TENM1: variants seen among roughly 807,000 people sequenced by gnomAD.
The protein encoded by TENM1 is teneurin-1.
TENM1 carries 35 observed loss-of-function variants against 174.8 expected under a neutral mutation model. That is an observed-to-expected ratio of 0.20 (90% CI 0.15 to 0.27). The LOEUF (loss-of-function observed/expected upper bound fraction) is 0.27, where lower values mean the gene tolerates loss of function less well. TENM1 is among the 10% of genes least tolerant of loss of function. TENM1 has a pLI of 1.00. For missense variants in TENM1, 1,633 were observed against 2,130.1 expected, an observed-to-expected ratio of 0.77 and a Z score of 4.59; for synonymous variants, 781 against 798.7, an observed-to-expected ratio of 0.98 and a Z score of 0.37.
chrX:124,447,409 C>T (rs1247483929), intron 23 of TENM1, among the ~76,000 whole-genome samples: 1 of 111,458 alleles, frequency 9.0e-6, no homozygotes, highest in Non-Finnish European at 1.9e-5. Flanking sequence ...TGCTGATCTG[C>T]CCACACCTGA....
At chrX:125,052,519 T>C in the TENM1 span, among the ~76,000 whole-genome samples, 1 of 111,658 alleles carries the variant, frequency 9.0e-6, no homozygotes, top group Admixed American at 9.6e-5. Flanking sequence ...AAACCTTGCT[T>C]ACCCTCTTGT....
chrX:124,745,662 A>G (rs746780748), intron 3 of TENM1, among the ~76,000 whole-genome samples: 1 of 110,799 alleles, frequency 9.0e-6, no homozygotes, highest in African/African-American at 3.3e-5. Context: ...AAGCAATTGT[A>G]ATAAGTGATT....
intron 6 of TENM1, among the ~76,000 whole-genome samples, chrX:124,668,075 G>T (rs1295981778): frequency 8.9e-6 from 1 of 111,773 alleles, no homozygotes; most frequent in Admixed American, 9.5e-5. Flanking sequence ...AGAAGTGTCT[G>T]TTCATATCCT....
intron 23 of TENM1, among the ~76,000 whole-genome samples, chrX:124,448,620 C>T (rs2060992865): frequency 8.9e-6 from 1 of 111,909 alleles, no homozygotes; most frequent in African/African-American, 3.2e-5. Context: ...CTAGCTTCAT[C>T]TCTCACTACT....
At chrX:125,033,082 A>G in the TENM1 span, among the ~76,000 whole-genome samples, 1 of 111,175 alleles carries the variant, frequency 9.0e-6, no homozygotes, top group African/African-American at 3.3e-5. Context: ...TGTATAGGGG[A>G]AAAAGATAAT....
chrX:124,547,136 G>T (rs766380430), intron 14 of TENM1, 46 bp from the exon 18 acceptor site: 7 of 1,011,374 alleles, frequency 6.9e-6, no homozygotes, highest in Non-Finnish European at 9.6e-6. Flanking sequence ...AGCTTCAAGA[G>T]AAAAATATAG....
rs764817296 is a variant in TENM1 at position 124,740,433 on chromosome X, AT to A, written c.536-3237del. 4.3e-3 allele frequency among the ~76,000 whole-genome samples: 436 copies of A among 100,915 alleles called. 1 individual carries two copies. Among genetic ancestry groups the A allele is most frequent in the African/African-American group, 0.018 (409 of 23,073 alleles). 87.6% of individuals were successfully genotyped at this position (100,915 alleles called of 115,157 possible). A position where few individuals can be genotyped will look rare whatever the true frequency, so the allele number is the denominator to read the frequency against. On this transcript the variant is annotated intron_variant, in intron 3 of 31. Coordinates refer to ENST00000422452, the Ensembl canonical transcript of TENM1. ...CTTCATTGAAAAGTGCAATCATAGT[AT>A]TATTATTTCTGTTGCAGGTAGAATG... is the stretch of plus-strand genomic sequence containing the variant.
intron 3 of TENM1, among the ~76,000 whole-genome samples, chrX:124,763,805 T>C (rs760808246): frequency 8.9e-6 from 1 of 111,883 alleles, no homozygotes; most frequent in South Asian, 3.7e-4. Context: ...TAGTCTTCTA[T>C]TTCTGGAGGG....
At chrX:124,950,681 G>T (rs754239215) in intron 1 of TENM1, among the ~76,000 whole-genome samples, 1 of 111,706 alleles carries the variant, frequency 9.0e-6, no homozygotes, top group Non-Finnish European at 1.9e-5. Context: ...GGCTGAAATA[G>T]AATCAAATTT....
At chrX:124,772,484 T>C (rs1395607125) in intron 3 of TENM1, among the ~76,000 whole-genome samples, 4 of 111,990 alleles carry the variant, frequency 3.6e-5, no homozygotes, top group Non-Finnish European at 7.5e-5. Flanking sequence ...CGGGGTAAGA[T>C]TCAACTAGTA....
chrX:124,583,857 G>GA (rs2049405564), intron 11 of TENM1, among the ~76,000 whole-genome samples: 1 of 17 alleles, frequency 0.059, no homozygotes, highest in African/African-American at 0.17. Flanking sequence ...TGATGGAGCT[G>GA]AAACCAAGGC....
intron 1 of TENM1, among the ~76,000 whole-genome samples, chrX:124,951,639 AATATAT>A (rs1156297240): frequency 5.2e-4 from 33 of 63,018 alleles, no homozygotes; most frequent in African/African-American, 2.1e-3. Context: ...GAAAAGTTAA[AATATAT>A]ATATATATAT....
chrX:124,664,889 A>T (rs759701043), intron 6 of TENM1, among the ~76,000 whole-genome samples: 4 of 111,384 alleles, frequency 3.6e-5, no homozygotes, highest in Admixed American at 9.6e-5. Context: ...TGAGAAAGGA[A>T]TTTTTTTGAA....
chrX:124,504,943 A>G (rs2047413648), intron 18 of TENM1, among the ~76,000 whole-genome samples: 1 of 112,055 alleles, frequency 8.9e-6, no homozygotes, highest in South Asian at 3.7e-4. Flanking sequence ...AGAAGCCAAA[A>G]AGTCCCTGTA....
chrX:125,198,597 A>G, the TENM1 span, among the ~76,000 whole-genome samples: 8 of 111,698 alleles, frequency 7.2e-5, no homozygotes, highest in Non-Finnish European at 1.3e-4. Context: ...CAGAGATGGC[A>G]CTGATTTTTC....
At chrX:124,495,053 G>C (rs1449066391) in intron 20 of TENM1, among the ~76,000 whole-genome samples, 2 of 105,154 alleles carry the variant, frequency 1.9e-5, no homozygotes, top group South Asian at 9.4e-4. Flanking sequence ...GGGTCAAATG[G>C]TATTTCCAGT....
intron 3 of TENM1, among the ~76,000 whole-genome samples, chrX:124,774,465 G>A (rs1055747380): frequency 5.4e-5 from 6 of 111,251 alleles, no homozygotes; most frequent in Non-Finnish European, 9.4e-5. Context: ...AAAGAAAATG[G>A]GAAGAAATAA....
intron 18 of TENM1, among the ~76,000 whole-genome samples, chrX:124,504,111 A>T (rs749037474): frequency 8.9e-6 from 1 of 111,768 alleles, no homozygotes; most frequent in South Asian, 3.8e-4. Flanking sequence ...TTTTACCACT[A>T]TAGTGAAAAA....
At chrX:124,664,685 T>C (rs987950824) in intron 6 of TENM1, among the ~76,000 whole-genome samples, 2 of 83,204 alleles carry the variant, frequency 2.4e-5, no homozygotes, top group Non-Finnish European at 4.4e-5. Flanking sequence ...GTGGGGTGTG[T>C]GTGTGTGTGT....
Sources: gnomAD v4.1 joint callset for allele counts (sites outside exome capture counted in the v4.1 genomes callset) on GRCh38, gnomAD v4.1.1 for gene constraint, MANE v1.5 for transcripts, NCBI Gene and HGNC (gene_info 2026-07-23, HGNC 2026-07-21) for gene names.